Variants in RAB5A observed in about 807,000 individuals in gnomAD.
RAB5A encodes ras-related protein Rab-5A.
In RAB5A, 8 loss-of-function variants were observed where a neutral mutation model predicts 25.7. That is an observed-to-expected ratio of 0.31 (90% CI 0.18 to 0.56). RAB5A has a LOEUF of 0.56. Among genes scored for constraint, RAB5A ranks in the 20% least tolerant of loss-of-function variants. The pLI is 0.91. For synonymous variants in RAB5A, 98 were observed against 89.8 expected, an observed-to-expected ratio of 1.09 and a Z score of -0.52; for missense variants, 192 against 259.7, an observed-to-expected ratio of 0.74 and a Z score of 1.79.
intron 2 of RAB5A, among the ~76,000 whole-genome samples, chr3:19,959,255 A>G (rs1170442562): frequency 1.3e-5 from 2 of 152,174 alleles, no homozygotes; most frequent in Non-Finnish European, 2.9e-5. Flanking sequence ...ATCAAAATAA[A>G]ACCAGAAATC....
In RAB5A at chr3:19,950,974, C is replaced by G. The variant is rs1696414499; in HGVS notation, c.76C>G (p.Leu26Val). 6.2e-7 allele frequency: 1 copy of G among 1,614,122 alleles called. No individual in the cohort carries two copies. Among genetic ancestry groups the G allele is most frequent in the South Asian group, 1.1e-5 (1 of 91,086 alleles). Residue 26 changes from leucine to valine, a missense_variant, in exon 2 of 6, where the codon CTG becomes GTG. Coordinates refer to ENST00000273047, the MANE Select transcript of RAB5A (RefSeq NM_004162.5). ...NKICQFKLVL[L>V]GESAVGKSSL... The stretch of plus-strand genomic sequence containing the variant: ...AATATGCCAGTTCAAACTAGTACTT[C>G]TGGGAGAGTCCGCTGTTGGCAAATC...
intron 2 of RAB5A, among the ~76,000 whole-genome samples, chr3:19,961,105 A>G (rs1424772219): frequency 6.6e-6 from 1 of 152,236 alleles, no homozygotes; most frequent in Non-Finnish European, 1.5e-5. Flanking sequence ...GAAAAATGTG[A>G]CTTCTAGGAA....
chr3:19,949,407 CAG>C (rs1256660636), intron 1 of RAB5A, among the ~76,000 whole-genome samples: 2 of 152,126 alleles, frequency 1.3e-5, no homozygotes, highest in African/African-American at 4.8e-5. Context: ...AATATAGAGA[CAG>C]GGTCTCACTG....
At chr3:19,966,127 CATT>C (rs1262181822) in intron 2 of RAB5A, among the ~76,000 whole-genome samples, 4 of 152,178 alleles carry the variant, frequency 2.6e-5, no homozygotes, top group Non-Finnish European at 5.9e-5. Context: ...GTACTTTTAA[CATT>C]GTTGTGTAAC....
intron 2 of RAB5A, among the ~76,000 whole-genome samples, chr3:19,973,921 C>T (rs928453351): frequency 1.3e-5 from 2 of 152,072 alleles, no homozygotes; most frequent in East Asian, 1.9e-4. Context: ...ACTAGATAAA[C>T]GGCTGTAATT....
rs1696318627 is a variant in RAB5A at position 19,947,267 on chromosome 3, CGGCGG to C, written c.-347_-343del. 1.8e-5 allele frequency: 1 copy of C among 56,700 alleles called. No individual in the cohort carries two copies. Among genetic ancestry groups the C allele is most frequent in the African/African-American group, 2.8e-4 (1 of 3,534 alleles). The allele number at this position is 56,700 out of a possible 1,614,324, so 3.5% of individuals were successfully genotyped here. A position where few individuals can be genotyped will look rare whatever the true frequency, so the allele number is the denominator to read the frequency against. ...GAAGAATTAGTCGGAACTCCAGCGC[CGGCGG>C]CGGCGGCGGCGGCGGAGGAGGAGAA... On this transcript the variant is annotated 5_prime_UTR_variant, in exon 1 of 6. Transcript: ENST00000273047.
At chr3:19,951,701 G>GTGTTTTTTTT (rs1696425123) in intron 2 of RAB5A, among the ~76,000 whole-genome samples, 1 of 99,014 alleles carries the variant, frequency 1.0e-5, no homozygotes, top group African/African-American at 4.1e-5. Flanking sequence ...TGCCAGGCAA[G>GTGTTTTTTTT]TTTTTTTTTT....
chr3:19,977,704 T>C (rs1252618810), intron 4 of RAB5A, among the ~76,000 whole-genome samples: 1 of 152,224 alleles, frequency 6.6e-6, no homozygotes, highest in African/African-American at 2.4e-5. Context: ...CCTCAGTTGT[T>C]TCTTTGTCCA....
At chr3:19,952,195 T>A (rs1320348620) in intron 2 of RAB5A, among the ~76,000 whole-genome samples, 1 of 152,080 alleles carries the variant, frequency 6.6e-6, no homozygotes, top group Non-Finnish European at 1.5e-5. Context: ...AAAATTGACT[T>A]TAATCAAAGA....
chr3:19,963,244 T>C (rs1039114107), intron 2 of RAB5A, among the ~76,000 whole-genome samples: 5 of 152,202 alleles, frequency 3.3e-5, no homozygotes, highest in African/African-American at 1.2e-4. Context: ...TGTCATATTT[T>C]AGTATCTGGC....
intron 1 of RAB5A, among the ~76,000 whole-genome samples, chr3:19,948,933 ATATTT>A (rs1340819721): frequency 6.6e-6 from 1 of 152,174 alleles, no homozygotes; most frequent in Non-Finnish European, 1.5e-5. Flanking sequence ...TGTTCTATTG[ATATTT>A]TATCATTTTC....
At chr3:19,971,197 C>CAAA (rs757289443) in intron 2 of RAB5A, among the ~76,000 whole-genome samples, 14,459 of 74,102 alleles carry the variant, frequency 0.2, 1,533 homozygotes, top group African/African-American at 0.34. Context: ...AACTCCATCT[C>CAAA]AAAAAAAAAA....
chr3:19,975,378 G>A, intron 2 of RAB5A: 1 of 403,810 alleles, frequency 2.5e-6, no homozygotes, highest in Non-Finnish European at 4.4e-6. Flanking sequence ...AGGTTTGCCA[G>A]TATTTAAAGC....
At chr3:19,953,028 A>C in intron 2 of RAB5A, among the ~76,000 whole-genome samples, 1 of 152,190 alleles carries the variant, frequency 6.6e-6, no homozygotes, top group East Asian at 1.9e-4. Context: ...TTTGGGACTT[A>C]CTATATGCTA....
At chr3:19,977,543 A>G (rs1696845521) in intron 4 of RAB5A, among the ~76,000 whole-genome samples, 1 of 152,182 alleles carries the variant, frequency 6.6e-6, no homozygotes, top group Admixed American at 6.6e-5. Flanking sequence ...GGCATGTTAC[A>G]TTTGTAATTT....
chr3:19,958,896 A>G (rs989700970), intron 2 of RAB5A, among the ~76,000 whole-genome samples: 2 of 152,088 alleles, frequency 1.3e-5, no homozygotes, highest in Non-Finnish European at 2.9e-5. Context: ...CTGAGATCGC[A>G]CCACTGCACT....
intron 2 of RAB5A, among the ~76,000 whole-genome samples, chr3:19,961,222 G>C (rs1407370629): frequency 6.6e-6 from 1 of 152,098 alleles, no homozygotes; most frequent in East Asian, 1.9e-4. Context: ...CCTTACCATG[G>C]CTATATGGGA....
chr3:19,969,590 A>G (rs1218038174), intron 2 of RAB5A, among the ~76,000 whole-genome samples: 1 of 152,220 alleles, frequency 6.6e-6, no homozygotes, highest in Non-Finnish European at 1.5e-5. Context: ...ATGTTATGAC[A>G]CAAGTTTTGC....
intron 2 of RAB5A, among the ~76,000 whole-genome samples, chr3:19,961,543 A>G (rs1027354088): frequency 1.1e-4 from 16 of 152,146 alleles, no homozygotes; most frequent in African/African-American, 3.9e-4. Flanking sequence ...AGAATATAAG[A>G]CGATTATTTA....
Sources: gnomAD v4.1 joint callset for allele counts (sites outside exome capture counted in the v4.1 genomes callset) on GRCh38, gnomAD v4.1.1 for gene constraint, MANE v1.5 for transcripts, NCBI Gene and HGNC (gene_info 2026-07-23, HGNC 2026-07-21) for gene names.